Variants in FMO1 observed in about 807,000 individuals in gnomAD.
The protein encoded by FMO1 is flavin containing dimethylaniline monoxygenase 1.
FMO1 carries 36 observed loss-of-function variants against 45.4 expected under a neutral mutation model. The ratio of observed to expected loss-of-function variants is 0.79; its 90% CI spans 0.61 to 1.05. FMO1 has a LOEUF of 1.05. FMO1 is among the 50% of genes least tolerant of loss of function. FMO1 has a pLI of 0.00. For missense variants in FMO1, 615 were observed against 640.3 expected (o/e 0.96, Z 0.43); for synonymous variants, 228 against 227.2 (o/e 1.00, Z -0.03).
At chr1:171,282,894 A>G in intron 7 of FMO1, 2 of 399,672 alleles carry the variant, frequency 5.0e-6, no homozygotes, top group Non-Finnish European at 9.0e-6. Context: ...ACATTCAGCC[A>G]AACTAGTTGT....
At chr1:171,273,131 A>G (rs1416180698) in intron 3 of FMO1, among the ~76,000 whole-genome samples, 1 of 152,152 alleles carries the variant, frequency 6.6e-6, no homozygotes, top group Admixed American at 6.5e-5. Context: ...ATGGTTTTAT[A>G]AGGCAGAATT....
chr1:171,269,527 A>T (rs1182579096), intron 3 of FMO1, among the ~76,000 whole-genome samples: 1 of 152,226 alleles, frequency 6.6e-6, no homozygotes, highest in Non-Finnish European at 1.5e-5. Context: ...TCCTGAAATT[A>T]CATAAACAAA....
chr1:171,271,228 G>A (rs953725807), intron 3 of FMO1: 11 of 936,676 alleles, frequency 1.2e-5, no homozygotes, highest in Admixed American at 3.8e-5. Flanking sequence ...ATCACTAATG[G>A]GCAGGCCAAG....
At chr1:171,273,079 C>CT (rs1417233081) in intron 3 of FMO1, among the ~76,000 whole-genome samples, 6 of 152,096 alleles carry the variant, frequency 3.9e-5, no homozygotes, top group Non-Finnish European at 8.8e-5. Context: ...TAGGTCTTTC[C>CT]CATGCTGTTC....
At chr1:171,257,306 A>G (rs942668469) in intron 1 of FMO1, among the ~76,000 whole-genome samples, 17 of 152,050 alleles carry the variant, frequency 1.1e-4, no homozygotes, top group African/African-American at 4.1e-4. Context: ...TGTGTTATTA[A>G]CACATGGCCT....
intron 1 of FMO1, among the ~76,000 whole-genome samples, chr1:171,253,438 C>T (rs1246328335): frequency 6.6e-6 from 1 of 152,096 alleles, no homozygotes; most frequent in Non-Finnish European, 1.5e-5. Flanking sequence ...GATGCAGAGG[C>T]AGGAGGATCA....
intron 2 of FMO1, among the ~76,000 whole-genome samples, chr1:171,265,240 A>G (rs1052903138): frequency 1.3e-5 from 2 of 151,520 alleles, no homozygotes; most frequent in African/African-American, 2.4e-5. Flanking sequence ...AATACAAAAA[A>G]ATTAGCCAAG....
At chr1:171,254,765 C>A (rs1660078489) in intron 1 of FMO1, among the ~76,000 whole-genome samples, 2 of 152,264 alleles carry the variant, frequency 1.3e-5, no homozygotes, top group South Asian at 4.1e-4. Flanking sequence ...CCCTTCTCTG[C>A]CCACTGAAGT....
At chr1:171,277,026 A>C (rs546367733) in intron 4 of FMO1, among the ~76,000 whole-genome samples, 44 of 152,294 alleles carry the variant, frequency 2.9e-4, no homozygotes, top group African/African-American at 1.1e-3. Context: ...CAAATCAAGC[A>C]AGAAGAGCTC....
chr1:171,285,025 C>T (rs1661560648), intron 8 of FMO1, among the ~76,000 whole-genome samples, 177 bp from the exon 9 acceptor site: 2 of 152,094 alleles, frequency 1.3e-5, no homozygotes, highest in Admixed American at 6.6e-5. Context: ...TTTGAAGGGA[C>T]TCATCTTGAT....
At chr1:171,276,501 A>G (rs1661113717) in intron 4 of FMO1, among the ~76,000 whole-genome samples, 1 of 152,228 alleles carries the variant, frequency 6.6e-6, no homozygotes, top group East Asian at 1.9e-4. Flanking sequence ...TCTTGCCTGC[A>G]GAGCAAGGCT....
At chr1:171,284,431 A>G (rs867851622) in intron 8 of FMO1, among the ~76,000 whole-genome samples, 1 of 152,114 alleles carries the variant, frequency 6.6e-6, no homozygotes, top group African/African-American at 2.4e-5. Context: ...TCTTCTTGTC[A>G]CGCATGTCAG....
At chr1:171,257,947 A>G (rs1660228883) in intron 1 of FMO1, 135 bp from the exon 2 acceptor site, 1 of 976,550 alleles carries the variant, frequency 1.0e-6, no homozygotes, top group Non-Finnish European at 1.5e-6. Flanking sequence ...ACATTCACAC[A>G]CCAGAGACCC....
intron 1 of FMO1, chr1:171,251,801 G>A (rs992602080): frequency 1.3e-5 from 2 of 151,822 alleles, no homozygotes; most frequent in Non-Finnish European, 2.9e-5. Context: ...TGGACCCTCA[G>A]CTGGACTGGC....
chr1:171,275,880 G>A (rs1386801895), intron 4 of FMO1, among the ~76,000 whole-genome samples: 3 of 151,996 alleles, frequency 2.0e-5, no homozygotes, highest in Non-Finnish European at 2.9e-5. Context: ...TGAGTTTAGA[G>A]GCCACAAAAG....
chr1:171,282,967 A>G (rs374231128), intron 7 of FMO1, 177 bp from the exon 8 acceptor site: 2 of 487,402 alleles, frequency 4.1e-6, no homozygotes. Flanking sequence ...AGCTGACGGC[A>G]TTATTACCAG....
At chr1:171,249,533 G>T (rs1176143731) in intron 1 of FMO1, among the ~76,000 whole-genome samples, 2 of 152,136 alleles carry the variant, frequency 1.3e-5, no homozygotes, top group Non-Finnish European at 2.9e-5. Context: ...GTTCCCAGGG[G>T]CTAAGTAGGC....
rs1339721972 is a variant in FMO1, at chr1:171,273,133, G to C, written c.322-2213G>C. ...CTCACAAGATCTGATGGTTTTATAA[G>C]GCAGAATTTCCCTGCACAAGCTCTC... is the stretch of plus-strand genomic sequence containing the variant. On this transcript the variant is annotated intron_variant, in intron 3 of 8. Transcript: ENST00000617670. Among the ~76,000 whole-genome samples, 5 of 152,240 alleles carry C rather than the reference G, an allele frequency of 3.3e-5. No individual in the cohort carries two copies. In the East Asian group the frequency reaches 9.7e-4, roughly 29 times the overall value.
chr1:171,270,803 T>C, intron 3 of FMO1: 1 of 761,936 alleles, frequency 1.3e-6, no homozygotes, highest in Non-Finnish European at 1.9e-6. Flanking sequence ...CATTCGGTAG[T>C]GTGTTAACTT....
Sources: allele counts gnomAD v4.1 joint callset (sites outside exome capture counted in the v4.1 genomes callset), GRCh38; gene constraint gnomAD v4.1.1; transcripts MANE v1.5; gene names NCBI Gene and HGNC (gene_info 2026-07-23, HGNC 2026-07-21).